Variants in PLG observed in about 807,000 individuals in gnomAD.
PLG encodes plasminogen.
A neutral mutation model predicts 104.4 loss-of-function variants in PLG; 41 were observed. The ratio of observed to expected loss-of-function variants is 0.39; its 90% confidence interval spans 0.31 to 0.51. The LOEUF (loss-of-function observed/expected upper bound fraction) is 0.51, where lower values mean the gene tolerates loss of function less well. Ranked by LOEUF, PLG falls within the 20% of genes least tolerant of loss-of-function variation. The pLI is 0.76. For synonymous variants in PLG, 337 were observed against 357.1 expected, an observed-to-expected ratio of 0.94 and a Z score of 0.63; for missense variants, 891 against 1,003.6, an observed-to-expected ratio of 0.89 and a Z score of 1.52.
At chr6:160,748,362 A>AAGAAAGAAAGAAAGAGAGAGAGAG (rs1445632501) in intron 17 of PLG, among the ~76,000 whole-genome samples, 142 of 37,094 alleles carry the variant, frequency 3.8e-3, no homozygotes, top group East Asian at 0.033. Flanking sequence ...GAAAGAAAGA[A>AAGAAAGAAAGAAAGAGAGAGAGAG]AGAAAGAAAG....
chr6:160,739,510 A>T lies in PLG; in HGVS notation c.2018+302A>T, dbSNP rs1696025810. On this transcript the variant is annotated intron_variant, in intron 16 of 18. Transcript: ENST00000308192. This position sits in a 1 kb window ranked among gnomAD's most constrained non-coding sequence, Gnocchi z 4.4. ...CATACACATTCATGATCAGAGAACG[A>T]TTCAGTTATTCCAGGCTGACAATTC... 6.6e-6 allele frequency among the ~76,000 whole-genome samples: 1 copy of T among 152,214 alleles called. No homozygotes were observed. Among genetic ancestry groups the T allele is most frequent in the South Asian group, 2.1e-4 (1 of 4,830 alleles).
rs1220320470 is a variant in PLG, at chr6:160,711,553, T to C, written c.407+362T>C. ...GTATTTAGGATAATTTCATCACTTT[T>C]AATTCAAACCACAATATGTGAATAA... is the stretch of plus-strand genomic sequence containing the variant. On this transcript the variant is annotated intron_variant, in intron 4 of 18. Coordinates refer to ENST00000308192, the MANE Select transcript of PLG (RefSeq NM_000301.5). The C allele has an allele frequency of 2.9e-5, 46 of 1,603,148 alleles. No individual in the cohort carries two copies. In the Middle Eastern group the frequency reaches 4.1e-3, roughly 143 times the overall value.
At chr6:160,721,803 T>A (rs565177384) in intron 9 of PLG, among the ~76,000 whole-genome samples, 1 of 152,226 alleles carries the variant, frequency 6.6e-6, no homozygotes, top group South Asian at 2.1e-4. Flanking sequence ...CTGTGGTGGG[T>A]TTGGAAAGAA....
intron 17 of PLG, among the ~76,000 whole-genome samples, chr6:160,748,378 A>AAGAGAGAG (rs1405091216): frequency 0.011 from 456 of 41,526 alleles, 19 homozygotes; most frequent in Non-Finnish European, 0.016. Flanking sequence ...GAAAGAAAGA[A>AAGAGAGAG]AGAAAGAAAG....
chr6:160,727,693 A>C (rs1777940868), intron 10 of PLG, among the ~76,000 whole-genome samples: 1 of 152,038 alleles, frequency 6.6e-6, no homozygotes, highest in Non-Finnish European at 1.5e-5. Context: ...TGATTATGTC[A>C]ATAGATGCAG....
In PLG at chr6:160,752,738, C is replaced by T. The variant is rs1778423189; in HGVS notation, c.2272-162C>T. Among the ~76,000 whole-genome samples, 1 of 152,178 alleles carries T rather than the reference C, an allele frequency of 6.6e-6. No individual in the cohort carries two copies. Among genetic ancestry groups the T allele is most frequent in the Non-Finnish European group, 1.5e-5 (1 of 68,028 alleles). On this transcript the variant is annotated intron_variant, in intron 18 of 18. Coordinates refer to ENST00000308192, the MANE Select transcript of PLG (RefSeq NM_000301.5). This position sits in a 1 kb window ranked among gnomAD's most constrained non-coding sequence, Gnocchi z 4.7. The stretch of plus-strand genomic sequence containing the variant: ...GTGTGGTTTCGCTAAACAGATTTTG[C>T]TAAGTACTTAAGCACTGCAGATGCT...
chr6:160,745,298 A>T (rs1175358967), intron 17 of PLG, among the ~76,000 whole-genome samples: 2 of 152,186 alleles, frequency 1.3e-5, no homozygotes, highest in African/African-American at 4.8e-5. Flanking sequence ...GTCTCTTTGT[A>T]GGTCTCTAAG....
At position 160,731,916 on chromosome 6, in the gene PLG, CTT is replaced by C. The variant is rs751767865; in HGVS notation, c.1587+25_1587+26del. ...AATGTAAGCCACTTTGATTTGGACT[CTT>C]TGGCCTTTTGCTCACCAATCTTTGC... On this transcript the variant is annotated intron_variant, in intron 12 of 18. Coordinates refer to ENST00000308192, the MANE Select transcript of PLG (RefSeq NM_000301.5). The surrounding 1 kb of genome is among the most constrained non-coding windows in gnomAD (Gnocchi z 5.1). 11 of 1,612,760 alleles carry C rather than the reference CTT, an allele frequency of 6.8e-6. No individual in the cohort carries two copies. The East Asian group carries it at 1.3e-4, about 20-fold the overall frequency.
intron 1 of PLG, among the ~76,000 whole-genome samples, chr6:160,703,557 C>T (rs567515691): frequency 6.8e-4 from 104 of 152,258 alleles, no homozygotes; most frequent in African/African-American, 2.0e-3. Flanking sequence ...AAATAATGTA[C>T]GCTTGAAATT....
intron 3 of PLG, chr6:160,708,483 C>T (rs1396964875): frequency 6.6e-6 from 1 of 152,462 alleles, no homozygotes; most frequent in Non-Finnish European, 1.5e-5. Flanking sequence ...TTAAGCATTT[C>T]CCATCAAGTA....
chr6:160,720,410 CTTTTT>C (rs3057066), intron 9 of PLG, among the ~76,000 whole-genome samples: 118 of 58,508 alleles, frequency 2.0e-3, no homozygotes, highest in East Asian at 0.01. Flanking sequence ...CTTTTCTTTT[CTTTTT>C]TTTTTTTTTT....
intron 5 of PLG, 111 bp downstream of exon 5, chr6:160,713,236 C>A: frequency 1.1e-6 from 1 of 926,568 alleles, no homozygotes; most frequent in Non-Finnish European, 1.8e-6. Context: ...AACGTATTCA[C>A]CTCTCGGAAA....
intron 1 of PLG, among the ~76,000 whole-genome samples, chr6:160,703,433 A>G (rs1397320315): frequency 6.6e-6 from 1 of 152,176 alleles, no homozygotes; most frequent in African/African-American, 2.4e-5. Flanking sequence ...CTTAGCTGTT[A>G]CCCCCAATCT....
chr6:160,752,048 G>C lies in PLG; in HGVS notation c.2126-67G>C. The C allele has an allele frequency of 7.0e-7, 1 of 1,436,184 alleles. No homozygotes were observed. The highest frequency in any genetic ancestry group is 1.2e-5 in the South Asian group (1 of 86,788). 89.0% of individuals were successfully genotyped at this position (1,436,184 alleles called of 1,614,324 possible). ...ACAGGAGGTCCAGTGCCGCTGCTCT[G>C]TTCTGGAATATCCTCCTGAATGTGT... is the stretch of plus-strand genomic sequence containing the variant. On this transcript the variant is annotated intron_variant, in intron 17 of 18. Coordinates refer to ENST00000308192, the MANE Select transcript of PLG (RefSeq NM_000301.5). This position sits in a 1 kb window ranked among gnomAD's most constrained non-coding sequence, Gnocchi z 4.7.
At chr6:160,704,691 A>G (rs1018044888) in intron 1 of PLG, among the ~76,000 whole-genome samples, 1 of 152,082 alleles carries the variant, frequency 6.6e-6, no homozygotes, top group Non-Finnish European at 1.5e-5. Flanking sequence ...GCATCAGCCA[A>G]CTCCTGCTCA....
Position 160,711,179 on chromosome 6 carries a change from C to A in PLG, c.395C>A (p.Pro132His), listed in dbSNP as rs764292529. The change falls in exon 4 of 19, where the codon CCC (proline) becomes CAC (histidine). Residue 132 changes from proline (P) to histidine (H), a missense_variant. This residue lies in a region of PLG where 854 missense variants were observed against 932.1 expected (regional missense o/e 0.92). Coordinates refer to ENST00000308192, the MANE Select transcript of PLG (RefSeq NM_000301.5). The part of the protein sequence containing the change: ...ITCQKWSSTS[P>H]HRPRFSPATH... ...TGTCAAAAATGGAGTTCCACTTCTC[C>A]CCACAGACCTAGGTAAGACATTCCC... 6.2e-7 allele frequency: 1 copy of A among 1,613,358 alleles called. No homozygotes were observed. The highest frequency in any genetic ancestry group is 8.5e-7 in the Non-Finnish European group (1 of 1,179,368).
At position 160,719,959 on chromosome 6, in the gene PLG, C is replaced by G. The variant is rs1479376759; in HGVS notation, c.1096+1121C>G. Among the ~76,000 whole-genome samples, 1 of 152,130 alleles carries G rather than the reference C, an allele frequency of 6.6e-6. No homozygotes were observed. Among genetic ancestry groups the G allele is most frequent in the Non-Finnish European group, 1.5e-5 (1 of 68,026 alleles). On this transcript the variant is annotated intron_variant, in intron 9 of 18. Coordinates refer to ENST00000308192, the MANE Select transcript of PLG (RefSeq NM_000301.5). The surrounding 1 kb of genome is among the most constrained non-coding windows in gnomAD (Gnocchi z 4.1). ...ATTTATTTTACCATTTCTGGTGCTT[C>G]TCATCTACTGGGGTAGATCTCAATT...
Position 160,732,943 on chromosome 6 carries a change from T to C in PLG, c.1587+1050T>C, listed in dbSNP as rs1406921877. Among the ~76,000 whole-genome samples the C allele has an allele frequency of 2.6e-5, 4 of 152,242 alleles. No homozygotes were observed. The highest frequency in any genetic ancestry group is 4.2e-4 in the South Asian group (2 of 4,818). On this transcript the variant is annotated intron_variant, in intron 12 of 18. Coordinates refer to ENST00000308192, the MANE Select transcript of PLG (RefSeq NM_000301.5). The surrounding 1 kb of genome is among the most constrained non-coding windows in gnomAD (Gnocchi z 4.5). ...ACATCGTTGGCCATTGGAGACCAGC[T>C]CACCTTCAGCTCCTGTTCCCTCCCT... is the stretch of plus-strand genomic sequence containing the variant.
At chr6:160,746,912 C>T (rs1314096604) in intron 17 of PLG, among the ~76,000 whole-genome samples, 1 of 152,108 alleles carries the variant, frequency 6.6e-6, no homozygotes, top group Non-Finnish European at 1.5e-5. Flanking sequence ...TTGTATATTT[C>T]CCTACACCTA....
Sources: gnomAD v4.1 joint callset for allele counts (sites outside exome capture counted in the v4.1 genomes callset) on GRCh38, gnomAD v4.1.1 for gene constraint, gnomAD v4.1.1 regional missense constraint, Gnocchi (gnomAD v3.1) non-coding constraint, MANE v1.5 for transcripts, NCBI Gene and HGNC (gene_info 2026-07-23, HGNC 2026-07-21) for gene names.